Variants in STXBP5L observed in about 807,000 individuals in gnomAD.
The protein encoded by STXBP5L is syntaxin binding protein 5L, also known as syntaxin-binding protein 5-like.
A neutral mutation model predicts 144.5 loss-of-function variants in STXBP5L; 65 were observed. The ratio of observed to expected loss-of-function variants is 0.45; its 90% CI spans 0.37 to 0.55. The LOEUF (loss-of-function observed/expected upper bound fraction) is 0.55. STXBP5L is among the 20% of genes least tolerant of loss of function. The pLI is 0.00. For synonymous variants in STXBP5L, 505 were observed against 469.6 expected, an observed-to-expected ratio of 1.08 and a Z score of -0.97; for missense variants, 1,298 against 1,405.5, an observed-to-expected ratio of 0.92 and a Z score of 1.22.
chr3:121,205,333 G>A (rs1346498617), intron 9 of STXBP5L, among the ~76,000 whole-genome samples: 4 of 152,304 alleles, frequency 2.6e-5, no homozygotes, highest in African/African-American at 4.8e-5. Flanking sequence ...GTTGAGAGAT[G>A]TGCAAGAGAG....
At chr3:121,389,849 G>A (rs551331492) in intron 22 of STXBP5L, among the ~76,000 whole-genome samples, 6 of 152,182 alleles carry the variant, frequency 3.9e-5, no homozygotes, top group South Asian at 2.1e-4. Flanking sequence ...GTGCTGAGAA[G>A]AATGTATATT....
intron 20 of STXBP5L, among the ~76,000 whole-genome samples, chr3:121,374,751 C>T (rs903312499): frequency 1.2e-4 from 18 of 151,396 alleles, no homozygotes; most frequent in Non-Finnish European, 2.5e-4. Context: ...TTGAAATAAC[C>T]CAATCAGACA....
intron 5 of STXBP5L, among the ~76,000 whole-genome samples, chr3:121,110,584 G>C (rs1229938176): frequency 6.6e-6 from 1 of 152,092 alleles, no homozygotes; most frequent in Non-Finnish European, 1.5e-5. Flanking sequence ...TAGGGTTTCT[G>C]CTGAGAGGTC....
chr3:120,946,277 C>T (rs879536628), intron 2 of STXBP5L, among the ~76,000 whole-genome samples: 25 of 151,768 alleles, frequency 1.6e-4, no homozygotes, highest in Admixed American at 1.4e-3. Flanking sequence ...CATGATTGTA[C>T]GGTGTCAATA....
intron 20 of STXBP5L, among the ~76,000 whole-genome samples, chr3:121,353,414 G>C (rs2045380041): frequency 6.6e-6 from 1 of 151,990 alleles, no homozygotes; most frequent in African/African-American, 2.4e-5. Context: ...GTCTTTGGAG[G>C]GTGTGTGTGT....
At chr3:121,272,028 A>G (rs568180562) in intron 18 of STXBP5L, among the ~76,000 whole-genome samples, 1 of 152,328 alleles carries the variant, frequency 6.6e-6, no homozygotes, top group South Asian at 2.1e-4. Flanking sequence ...TCAATCAGCT[A>G]AGATTTGGTC....
intron 9 of STXBP5L, among the ~76,000 whole-genome samples, chr3:121,180,344 C>T (rs1428470072): frequency 6.6e-6 from 1 of 152,142 alleles, no homozygotes; most frequent in Non-Finnish European, 1.5e-5. Context: ...AACTAAGCTT[C>T]ATTAATGAAG....
At chr3:120,991,604 G>A (rs1339802493) in intron 3 of STXBP5L, among the ~76,000 whole-genome samples, 1 of 152,164 alleles carries the variant, frequency 6.6e-6, no homozygotes, top group African/African-American at 2.4e-5. Context: ...ATGATAGACT[G>A]GATTAAGAAA....
intron 20 of STXBP5L, among the ~76,000 whole-genome samples, chr3:121,338,641 AAAG>A (rs1415802842): frequency 1.3e-5 from 2 of 151,106 alleles, no homozygotes; most frequent in African/African-American, 4.9e-5. Context: ...AAAGAAAGAG[AAAG>A]AGAGAAAGAA....
At position 121,045,481 on chromosome 3, in the gene STXBP5L, A is replaced by C. The variant is rs767079159; in HGVS notation, c.416A>C (p.Asn139Thr). ...TCAGATGATACACTTCATTTGTGGA[A>C]CCTTAGACAAAAAAGGCCAGCCATA... ...ASSDDTLHLW[N>T]LRQKRPAILH... Residue 139 changes from asparagine (N) to threonine (T), a missense_variant, in exon 5 of 27, where the codon AAC becomes ACC. Coordinates refer to ENST00000471454, the MANE Select transcript of STXBP5L (RefSeq NM_001308330.2). The C allele has an allele frequency of 6.2e-7, 1 of 1,613,294 alleles. No homozygotes were observed. Among genetic ancestry groups the C allele is most frequent in the South Asian group, 1.1e-5 (1 of 90,974 alleles).
chr3:120,927,851 CA>C (rs1190800026), intron 2 of STXBP5L, among the ~76,000 whole-genome samples: 2 of 152,130 alleles, frequency 1.3e-5, no homozygotes, highest in Non-Finnish European at 2.9e-5. Flanking sequence ...CCTAATACAA[CA>C]ATTTCTGTCT....
chr3:120,973,556 T>A (rs1320848554), intron 3 of STXBP5L, among the ~76,000 whole-genome samples: 2 of 152,262 alleles, frequency 1.3e-5, no homozygotes, highest in African/African-American at 2.4e-5. Context: ...TATATTTTTT[T>A]ATTATACTTT....
intron 1 of STXBP5L, among the ~76,000 whole-genome samples, chr3:120,908,739 G>C (rs1037058932): frequency 2.0e-5 from 3 of 151,864 alleles, no homozygotes; most frequent in African/African-American, 7.2e-5. Flanking sequence ...GCCGTGCAGC[G>C]GGGAGAGCGG....
intron 9 of STXBP5L, among the ~76,000 whole-genome samples, chr3:121,185,259 C>A (rs1437999464): frequency 6.6e-6 from 1 of 152,212 alleles, no homozygotes; most frequent in African/African-American, 2.4e-5. Context: ...CCTGTTCACT[C>A]TGATGGTAGT....
chr3:121,396,965 C>T (rs568631759), intron 22 of STXBP5L, among the ~76,000 whole-genome samples: 61 of 152,354 alleles, frequency 4.0e-4, no homozygotes, highest in African/African-American at 1.3e-3. Context: ...TATGAAGAAT[C>T]AGAAATCACA....
chr3:120,964,227 C>T (rs1939264180), intron 3 of STXBP5L, among the ~76,000 whole-genome samples: 2 of 152,140 alleles, frequency 1.3e-5, no homozygotes, highest in African/African-American at 4.8e-5. Context: ...AAAAGCAGCT[C>T]CTGGATTCAT....
intron 7 of STXBP5L, among the ~76,000 whole-genome samples, chr3:121,148,885 C>A (rs2107971669): frequency 6.6e-6 from 1 of 152,138 alleles, no homozygotes; most frequent in African/African-American, 2.4e-5. Flanking sequence ...CATAGCCAAA[C>A]AATGAAATGC....
intron 3 of STXBP5L, among the ~76,000 whole-genome samples, chr3:120,971,817 T>C (rs1195020993): frequency 6.6e-6 from 1 of 151,784 alleles, no homozygotes; most frequent in East Asian, 1.9e-4. Context: ...TATATGTCTG[T>C]GCCATGGAAT....
chr3:121,323,662 T>G (rs1235572687), intron 20 of STXBP5L, among the ~76,000 whole-genome samples: 2 of 152,196 alleles, frequency 1.3e-5, no homozygotes, highest in Admixed American at 6.5e-5. Flanking sequence ...GAGGATAAAC[T>G]AATGAACAAA....
Sources: allele counts gnomAD v4.1 joint callset (sites outside exome capture counted in the v4.1 genomes callset), GRCh38; gene constraint gnomAD v4.1.1; transcripts MANE v1.5; gene names NCBI Gene and HGNC (gene_info 2026-07-23, HGNC 2026-07-21).